The following CSMD2 variants were observed in gnomAD, a reference collection of about 807,000 sequenced individuals.
CSMD2 encodes CUB and sushi domain-containing protein 2.
Under a neutral mutation model 398.5 loss-of-function variants are expected in CSMD2, and 130 were observed. The observed-to-expected ratio is 0.33, with a 90% confidence interval of 0.28 to 0.38. The LOEUF is 0.38. Ranked by LOEUF, CSMD2 falls within the 10% of genes least tolerant of loss-of-function variation. The pLI, the probability that CSMD2 is intolerant of heterozygous loss-of-function variation, is 1.00. For missense variants in CSMD2, 3,829 were observed against 4,764.9 expected (o/e 0.80, Z 5.78); for synonymous variants, 1,828 against 1,908.5 (o/e 0.96, Z 1.10).
intron 24 of CSMD2, among the ~76,000 whole-genome samples, chr1:33,694,755 T>C (rs930089364): frequency 2.0e-5 from 3 of 152,172 alleles, no homozygotes; most frequent in African/African-American, 7.2e-5. Flanking sequence ...AACAACTGAA[T>C]TGTACACTGG....
At chr1:33,593,488 GC>G (rs1351019622) in intron 44 of CSMD2, among the ~76,000 whole-genome samples, 5 of 152,188 alleles carry the variant, frequency 3.3e-5, no homozygotes, top group African/African-American at 7.2e-5. Flanking sequence ...TCACATGGTG[GC>G]AGACAAGACA....
At chr1:33,975,645 A>T (rs1645933671) in intron 3 of CSMD2, among the ~76,000 whole-genome samples, 1 of 152,022 alleles carries the variant, frequency 6.6e-6, no homozygotes, top group African/African-American at 2.4e-5. Context: ...GATGCTACAC[A>T]GGTGCCATCG....
intron 9 of CSMD2, among the ~76,000 whole-genome samples, chr1:33,817,813 C>T (rs1254978181): frequency 2.0e-5 from 3 of 152,178 alleles, no homozygotes; most frequent in African/African-American, 7.2e-5. Flanking sequence ...AGGGCCCCAG[C>T]TAAAAATGAT....
chr1:34,070,694 C>G (rs1480511806), intron 2 of CSMD2, among the ~76,000 whole-genome samples: 1 of 152,038 alleles, frequency 6.6e-6, no homozygotes, highest in East Asian at 1.9e-4. Context: ...TGCATTCCCC[C>G]ACCCCCACCC....
chr1:33,908,182 G>A (rs1643232037), intron 5 of CSMD2, among the ~76,000 whole-genome samples: 1 of 152,112 alleles, frequency 6.6e-6, no homozygotes, highest in Non-Finnish European at 1.5e-5. Flanking sequence ...AACCTGGGAA[G>A]TGGTTGCAGT....
intron 3 of CSMD2, among the ~76,000 whole-genome samples, chr1:34,016,809 T>A (rs78309078): frequency 3.1e-5 from 3 of 97,096 alleles, no homozygotes. Flanking sequence ...GATAGACAGA[T>A]AGAATGATTG....
chr1:34,106,629 G>C (rs1261941361), intron 1 of CSMD2, among the ~76,000 whole-genome samples: 2 of 152,074 alleles, frequency 1.3e-5, no homozygotes, highest in African/African-American at 4.8e-5. Flanking sequence ...CAGCACCAGG[G>C]GTCAGAGCCT....
At chr1:33,983,005 G>A (rs562820632) in intron 3 of CSMD2, among the ~76,000 whole-genome samples, 2 of 152,322 alleles carry the variant, frequency 1.3e-5, no homozygotes, top group Admixed American at 1.3e-4. Flanking sequence ...AAGGCAGGGT[G>A]TGAGCAGAGA....
At chr1:33,940,343 TG>T (rs1644626297) in intron 3 of CSMD2, among the ~76,000 whole-genome samples, 2 of 152,136 alleles carry the variant, frequency 1.3e-5, no homozygotes. Context: ...TCACAGGTAC[TG>T]GGGGTTAAGT....
At chr1:33,973,220 T>C (rs1210538749) in intron 3 of CSMD2, among the ~76,000 whole-genome samples, 1 of 152,220 alleles carries the variant, frequency 6.6e-6, no homozygotes, top group Non-Finnish European at 1.5e-5. Context: ...CCCAGCACGC[T>C]GGCATGTCCC....
intron 62 of CSMD2, among the ~76,000 whole-genome samples, 184 bp from the exon 63 acceptor site, chr1:33,534,091 C>CA (rs1043109807): frequency 3.3e-5 from 5 of 152,196 alleles, no homozygotes; most frequent in African/African-American, 1.2e-4. Context: ...GCCTCCTCCA[C>CA]AAGGCCTCAT....
intron 10 of CSMD2, among the ~76,000 whole-genome samples, chr1:33,793,758 C>T (rs143504973): frequency 5.3e-5 from 8 of 151,768 alleles, no homozygotes; most frequent in South Asian, 2.1e-4. Context: ...GCAGTGTGGA[C>T]GGAGAAGAGG....
At chr1:33,899,444 T>C (rs1173506442) in intron 5 of CSMD2, among the ~76,000 whole-genome samples, 2 of 152,214 alleles carry the variant, frequency 1.3e-5, no homozygotes, top group Non-Finnish European at 2.9e-5. Flanking sequence ...TGCAACTTCC[T>C]AGCTCTGTGA....
intron 3 of CSMD2, among the ~76,000 whole-genome samples, chr1:34,017,886 G>T (rs1478786173): frequency 2.0e-5 from 3 of 152,132 alleles, no homozygotes; most frequent in African/African-American, 7.2e-5. Flanking sequence ...TTCATGTTAT[G>T]TTCATAGCCA....
At chr1:34,014,019 G>T (rs769309205) in intron 3 of CSMD2, among the ~76,000 whole-genome samples, 45 of 152,052 alleles carry the variant, frequency 3.0e-4, no homozygotes, top group Non-Finnish European at 6.2e-4. Context: ...GCTCCATACT[G>T]CCCGTTGATC....
At chr1:33,657,848 T>A in intron 27 of CSMD2, 98 bp downstream of exon 27, 1 of 1,220,192 alleles carries the variant, frequency 8.2e-7, no homozygotes, top group Non-Finnish European at 1.2e-6. Context: ...TCAATTCTCT[T>A]GGCCCCAGGC....
intron 57 of CSMD2, among the ~76,000 whole-genome samples, chr1:33,544,686 G>C (rs1262904148): frequency 6.6e-6 from 1 of 152,022 alleles, no homozygotes; most frequent in Admixed American, 6.6e-5. Context: ...GGAGGATGAA[G>C]AGAAGTGGGT....
chr1:33,790,696 TATCTATC>T (rs1380175886), intron 11 of CSMD2, among the ~76,000 whole-genome samples: 1 of 142,724 alleles, frequency 7.0e-6, no homozygotes, highest in South Asian at 2.1e-4. Flanking sequence ...TCTATCTATC[TATCTATC>T]ATCTATCTGT....
chr1:34,043,081 G>A (rs566470192), intron 2 of CSMD2, among the ~76,000 whole-genome samples: 205 of 151,924 alleles, frequency 1.3e-3, no homozygotes, highest in Middle Eastern at 6.8e-3. Context: ...CCGCCACCAC[G>A]CCCAGCTAAT....
Sources: allele counts gnomAD v4.1 joint callset (sites outside exome capture counted in the v4.1 genomes callset), GRCh38; gene constraint gnomAD v4.1.1; transcripts MANE v1.5; gene names NCBI Gene and HGNC (gene_info 2026-07-23, HGNC 2026-07-21).